The following AGAP1 variants were observed in gnomAD, a reference collection of about 807,000 sequenced individuals.
AGAP1 encodes ArfGAP with GTPase domain, ankyrin repeat and PH domain 1, also known as arf-GAP with GTPase, ANK repeat and PH domain-containing protein 1.
AGAP1 carries 29 observed loss-of-function variants against 105.3 expected under a neutral mutation model. The observed-to-expected ratio is 0.28, with a 90% CI of 0.21 to 0.38. The LOEUF is 0.38. AGAP1 is among the 10% of genes least tolerant of loss of function. The probability of loss-of-function intolerance (pLI) is 1.00; values close to 1 mark genes in which losing one functional copy is unlikely to be tolerated. For missense variants in AGAP1, 998 were observed against 1,165.1 expected (o/e 0.86, Z 2.09); for synonymous variants, 509 against 485.9 (o/e 1.05, Z -0.63).
intron 11 of AGAP1, among the ~76,000 whole-genome samples, chr2:235,915,338 A>T (rs1417696578): frequency 1.3e-5 from 2 of 152,216 alleles, no homozygotes; most frequent in Non-Finnish European, 2.9e-5. Flanking sequence ...GAAGGATTTA[A>T]TACGTTAGTT....
At chr2:235,763,715 A>G (rs1954659922) in intron 6 of AGAP1, among the ~76,000 whole-genome samples, 1 of 152,170 alleles carries the variant, frequency 6.6e-6, no homozygotes, top group Non-Finnish European at 1.5e-5. Flanking sequence ...ATTCATTTTG[A>G]AAACCTCTAT....
At chr2:235,743,273 T>TGCACCCTTAGGAGATGA (rs1217686026) in intron 4 of AGAP1, among the ~76,000 whole-genome samples, 3 of 152,214 alleles carry the variant, frequency 2.0e-5, no homozygotes, top group Admixed American at 2.0e-4. Flanking sequence ...GAAGTCAGAA[T>TGCACCCTTAGGAGATGA]GCACCCTTAG....
chr2:235,527,461 C>T (rs1333235576), intron 1 of AGAP1, among the ~76,000 whole-genome samples: 1 of 152,184 alleles, frequency 6.6e-6, no homozygotes, highest in Non-Finnish European at 1.5e-5. Context: ...GCCTCGACCT[C>T]CTAGGTTCAG....
At chr2:235,636,478 C>T (rs1251228997) in intron 1 of AGAP1, among the ~76,000 whole-genome samples, 14 of 152,150 alleles carry the variant, frequency 9.2e-5, no homozygotes, top group South Asian at 2.1e-4. Context: ...TATCTGGTCT[C>T]GAACCCTCAG....
chr2:235,928,021 C>T (rs1171721783), intron 11 of AGAP1, among the ~76,000 whole-genome samples: 1 of 152,232 alleles, frequency 6.6e-6, no homozygotes, highest in African/African-American at 2.4e-5. Flanking sequence ...CTTACCTACA[C>T]AGCAGGTGTC....
At position 235,689,511 on chromosome 2, in the gene AGAP1, C is replaced by T. The variant is rs145752069; in HGVS notation, c.164-19668C>T. 1.1e-3 allele frequency among the ~76,000 whole-genome samples: 174 copies of T among 152,342 alleles called. 1 individual carries two copies. The South Asian group carries it at 0.013, about 11-fold the overall frequency. On this transcript the variant is annotated intron_variant, in intron 1 of 17. Transcript: ENST00000304032. This position sits in a 1 kb window ranked among gnomAD's most constrained non-coding sequence, Gnocchi z 4.2. ...GGAAAATAATAGTGCGTTTGTAAGC[C>T]AGAGAAAGATGGTACTGTGTGGTGG...
intron 1 of AGAP1, among the ~76,000 whole-genome samples, chr2:235,593,685 T>C (rs1379154225): frequency 1.3e-5 from 2 of 152,110 alleles, no homozygotes; most frequent in African/African-American, 2.4e-5. Context: ...TAATAAGGAC[T>C]AGGCTTAGTG....
In AGAP1 at chr2:235,734,827, G is replaced by A. The variant is rs1359580819; in HGVS notation, c.311-6136G>A. Among the ~76,000 whole-genome samples the A allele has an allele frequency of 6.6e-6, 1 of 152,228 alleles. No individual in the cohort carries two copies. The highest frequency in any genetic ancestry group is 1.5e-5 in the Non-Finnish European group (1 of 68,048). Reference sequence around the variant, plus strand: ...CAGAAGTTCACATGGAAGAGAGGAGGCGTAAGAAGCAGTCAGAACGTCTGG... The same window carrying A: ...CAGAAGTTCACATGGAAGAGAGGAGACGTAAGAAGCAGTCAGAACGTCTGG... On this transcript the variant is annotated intron_variant, in intron 3 of 17. Coordinates refer to ENST00000304032, the MANE Select transcript of AGAP1 (RefSeq NM_001037131.3). This position sits in a 1 kb window ranked among gnomAD's most constrained non-coding sequence, Gnocchi z 5.3.
chr2:235,995,260 A>G (rs1432673592), intron 13 of AGAP1, among the ~76,000 whole-genome samples: 1 of 152,006 alleles, frequency 6.6e-6, no homozygotes, highest in Non-Finnish European at 1.5e-5. Context: ...CATGCCTGTA[A>G]TCCCAACACT....
intron 1 of AGAP1, among the ~76,000 whole-genome samples, chr2:235,538,427 A>ATGTATGTGTGTGTGTGTG (rs1943313027): frequency 7.4e-6 from 1 of 135,334 alleles, no homozygotes; most frequent in African/African-American, 2.8e-5. Flanking sequence ...CTCAGCCACT[A>ATGTATGTGTGTGTGTGTG]TGTGTGTGTG....
At chr2:235,646,548 T>C (rs1947393592) in intron 1 of AGAP1, among the ~76,000 whole-genome samples, 1 of 152,214 alleles carries the variant, frequency 6.6e-6, no homozygotes, top group Non-Finnish European at 1.5e-5. Flanking sequence ...GGCATTTTGG[T>C]TAGCTGGGTT....
At position 236,014,898 on chromosome 2, in the gene AGAP1, C is replaced by T; in HGVS notation, c.1646-21663C>T. 5.1e-6 allele frequency: 2 copies of T among 393,830 alleles called. No homozygotes were observed. The highest frequency in any genetic ancestry group is 3.8e-5 in the South Asian group (2 of 53,170). 24.4% of individuals were successfully genotyped at this position (393,830 alleles called of 1,614,324 possible). A position where few individuals can be genotyped will look rare whatever the true frequency, so the allele number is the denominator to read the frequency against. On this transcript the variant is annotated intron_variant, in intron 13 of 17. Coordinates refer to ENST00000304032, the MANE Select transcript of AGAP1 (RefSeq NM_001037131.3). The surrounding 1 kb of genome is among the most constrained non-coding windows in gnomAD (Gnocchi z 6.3). ...ACTGAAGGTAACGCCTCCGCACCTC[C>T]ACCCGCCCACACCTCCACCTGCCTC...
chr2:235,673,016 A>G (rs1433482165), intron 1 of AGAP1, among the ~76,000 whole-genome samples: 3 of 152,246 alleles, frequency 2.0e-5, no homozygotes, highest in Non-Finnish European at 2.9e-5. Context: ...AATGAACTAC[A>G]TTATAGCCAT....
rs1386205638 is a variant in AGAP1 at position 235,615,174 on chromosome 2, G to T, written c.164-94005G>T. ...GCTATGACAACCCACAGAGGTGGGT[G>T]TTGTCACTTCCACTGCCAGCCAGCT... On this transcript the variant is annotated intron_variant, in intron 1 of 17. Coordinates refer to ENST00000304032, the MANE Select transcript of AGAP1 (RefSeq NM_001037131.3). This position sits in a 1 kb window ranked among gnomAD's most constrained non-coding sequence, Gnocchi z 5.0. Among the ~76,000 whole-genome samples the T allele has an allele frequency of 6.6e-6, 1 of 152,254 alleles. No individual in the cohort carries two copies. The highest frequency in any genetic ancestry group is 1.9e-4 in the East Asian group (1 of 5,194).
intron 8 of AGAP1, among the ~76,000 whole-genome samples, chr2:235,800,131 G>A (rs13394761): frequency 0.24 from 35,254 of 149,160 alleles, 5,089 homozygotes; most frequent in Admixed American, 0.4. Context: ...TTTTGAGACA[G>A]GGTCTCACTC....
At chr2:235,876,296 C>A (rs1037405799) in intron 9 of AGAP1, among the ~76,000 whole-genome samples, 3 of 152,054 alleles carry the variant, frequency 2.0e-5, no homozygotes, top group Non-Finnish European at 4.4e-5. Flanking sequence ...TAAATGATTA[C>A]GTCATGATTT....
chr2:235,777,970 C>T lies in AGAP1; in HGVS notation c.674-19789C>T, dbSNP rs73996372. Among the ~76,000 whole-genome samples, 2,807 of 152,210 alleles carry T rather than the reference C, an allele frequency of 0.018. 75 individuals carry two copies. Among genetic ancestry groups the T allele is most frequent in the African/African-American group, 0.064 (2,675 of 41,516 alleles). ...GCCCCTCCTGGCTCTGCCCTGAGCC[C>T]GCTGCCCTCACCCTCTGCCTCAGAC... is the stretch of plus-strand genomic sequence containing the variant. On this transcript the variant is annotated intron_variant, in intron 6 of 17. Coordinates refer to ENST00000304032, the MANE Select transcript of AGAP1 (RefSeq NM_001037131.3). The surrounding 1 kb of genome is among the most constrained non-coding windows in gnomAD (Gnocchi z 5.1).
At position 236,061,881 on chromosome 2, in the gene AGAP1, GAA is replaced by G. The variant is rs35303117; in HGVS notation, c.2114+12613_2114+12614del. Among the ~76,000 whole-genome samples, 4 of 121,332 alleles carry G rather than the reference GAA, an allele frequency of 3.3e-5. No individual in the cohort carries two copies. The highest frequency in any genetic ancestry group is 8.5e-5 in the Admixed American group (1 of 11,752). 79.6% of individuals were successfully genotyped at this position (121,332 alleles called of 152,430 possible). A position where few individuals can be genotyped will look rare whatever the true frequency, so the allele number is the denominator to read the frequency against. ...ATGGTATATAAATTATGTCAATTTT[GAA>G]AAAAAAAAAAAAGGAATTTCCAAAG... is the stretch of plus-strand genomic sequence containing the variant. On this transcript the variant is annotated intron_variant, in intron 16 of 17. Transcript: ENST00000304032. The surrounding 1 kb of genome is among the most constrained non-coding windows in gnomAD (Gnocchi z 4.1).
At position 235,812,254 on chromosome 2, in the gene AGAP1, A is replaced by T. The variant is rs527575772; in HGVS notation, c.1050+4923A>T. 1.8e-3 allele frequency among the ~76,000 whole-genome samples: 281 copies of T among 152,180 alleles called. 1 individual carries two copies. Among genetic ancestry groups the T allele is most frequent in the African/African-American group, 6.3e-3 (262 of 41,514 alleles). ...TCAGCTGTGAGAGCAGTCATTTCCC[A>T]GCAGCCATCTGAAGCCGTGGGAAAA... On this transcript the variant is annotated intron_variant, in intron 9 of 17. Transcript: ENST00000304032.
Sources: gnomAD v4.1 joint callset for allele counts (sites outside exome capture counted in the v4.1 genomes callset) on GRCh38, gnomAD v4.1.1 for gene constraint, Gnocchi (gnomAD v3.1) non-coding constraint, MANE v1.5 for transcripts, NCBI Gene and HGNC (gene_info 2026-07-23, HGNC 2026-07-21) for gene names.